Variants in MDGA2 observed in about 807,000 individuals in gnomAD.
MDGA2 encodes MAM domain containing glycosylphosphatidylinositol anchor 2, also known as MAM domain-containing glycosylphosphatidylinositol anchor protein 2.
A neutral mutation model predicts 117.8 loss-of-function variants in MDGA2; 40 were observed. That is an observed-to-expected ratio of 0.34 (90% CI 0.26 to 0.44). The LOEUF is 0.44. Among genes scored for constraint, MDGA2 ranks in the 20% least tolerant of loss-of-function variants. The pLI, the probability that MDGA2 is intolerant of heterozygous loss-of-function variation, is 1.00. For synonymous variants in MDGA2, 452 were observed against 439.0 expected (o/e 1.03, Z -0.37); for missense variants, 1,123 against 1,250.6 (o/e 0.90, Z 1.54).
At chr14:46,879,835 T>G (rs1391027504) in intron 11 of MDGA2, among the ~76,000 whole-genome samples, 1 of 152,178 alleles carries the variant, frequency 6.6e-6, no homozygotes, top group East Asian at 1.9e-4. Flanking sequence ...ACATCTTATT[T>G]ATTTGGTAAA....
intron 3 of MDGA2, among the ~76,000 whole-genome samples, chr14:47,144,545 TGA>T (rs1259376085): frequency 6.6e-6 from 1 of 152,116 alleles, no homozygotes; most frequent in African/African-American, 2.4e-5. Flanking sequence ...CAGAGTTCCA[TGA>T]GAGAGATAAA....
intron 3 of MDGA2, among the ~76,000 whole-genome samples, chr14:47,213,506 TA>T (rs572057168): frequency 6.6e-5 from 10 of 151,854 alleles, no homozygotes; most frequent in Admixed American, 2.0e-4. Flanking sequence ...ATTCTTAATT[TA>T]AAAAAAACGT....
At chr14:46,896,111 G>A (rs996837622) in intron 10 of MDGA2, among the ~76,000 whole-genome samples, 2 of 151,984 alleles carry the variant, frequency 1.3e-5, no homozygotes, top group Non-Finnish European at 2.9e-5. Context: ...GTTTTGTTAG[G>A]CTATTTTAGC....
chr14:47,310,007 T>A (rs1481602283), intron 1 of MDGA2, among the ~76,000 whole-genome samples: 1 of 152,154 alleles, frequency 6.6e-6, no homozygotes, highest in Admixed American at 6.6e-5. Flanking sequence ...TATAAAAAAT[T>A]GAATACAAAA....
At chr14:47,421,561 A>T (rs1212409112) in intron 1 of MDGA2, among the ~76,000 whole-genome samples, 3 of 152,180 alleles carry the variant, frequency 2.0e-5, no homozygotes, top group Non-Finnish European at 4.4e-5. Context: ...AGGACAAAAA[A>T]GTACAACCAT....
rs192260118 is a variant in MDGA2, at chr14:46,879,257, A to G, written c.2417-1748T>C. On this transcript the variant is annotated intron_variant, in intron 11 of 16. Coordinates refer to ENST00000399232, the MANE Select transcript of MDGA2 (RefSeq NM_001113498.3). ...AAGAAGACATGGTGAAAAAGTGACCATCTATAAATTAGGAAGAGAGCTCTC... is the reference window on the plus strand; with the variant it reads ...AAGAAGACATGGTGAAAAAGTGACCGTCTATAAATTAGGAAGAGAGCTCTC... Among the ~76,000 whole-genome samples the G allele has an allele frequency of 8.0e-3, 1,211 of 152,114 alleles. 10 individuals are homozygous for G. Among genetic ancestry groups the G allele is most frequent in the South Asian group, 0.036 (176 of 4,822 alleles).
At chr14:47,214,566 T>TGTGG (rs1359610067) in intron 3 of MDGA2, among the ~76,000 whole-genome samples, 1 of 152,104 alleles carries the variant, frequency 6.6e-6, no homozygotes, top group Non-Finnish European at 1.5e-5. Context: ...TAGAAAATTA[T>TGTGG]GTGGGAAAAA....
At chr14:46,955,137 T>A (rs1885513451) in intron 9 of MDGA2, among the ~76,000 whole-genome samples, 1 of 152,064 alleles carries the variant, frequency 6.6e-6, no homozygotes, top group Non-Finnish European at 1.5e-5. Flanking sequence ...AAATGCATGC[T>A]CCAGTTAAAT....
intron 10 of MDGA2, among the ~76,000 whole-genome samples, chr14:46,918,524 C>T (rs1399369529): frequency 1.3e-5 from 2 of 152,032 alleles, no homozygotes; most frequent in South Asian, 2.1e-4. Context: ...ATGGGTAGAA[C>T]GATGTTAATA....
At chr14:47,602,652 AC>A (rs1896669346) in intron 1 of MDGA2, among the ~76,000 whole-genome samples, 1 of 152,172 alleles carries the variant, frequency 6.6e-6, no homozygotes, top group South Asian at 2.1e-4. Context: ...AAAGTGACAG[AC>A]AGAAAATTGT....
chr14:47,619,286 A>G (rs1449087695), intron 1 of MDGA2, among the ~76,000 whole-genome samples: 2 of 152,196 alleles, frequency 1.3e-5, no homozygotes, highest in African/African-American at 4.8e-5. Context: ...AATATTCCAA[A>G]TATAAACCAC....
intron 6 of MDGA2, among the ~76,000 whole-genome samples, chr14:47,069,947 T>C (rs561744428): frequency 2.5e-3 from 388 of 152,336 alleles, no homozygotes; most frequent in Middle Eastern, 6.8e-3. Context: ...TGAATACTAT[T>C]GACCTGGCGC....
chr14:47,141,145 C>T (rs888854299), intron 4 of MDGA2, among the ~76,000 whole-genome samples: 3 of 152,014 alleles, frequency 2.0e-5, no homozygotes, highest in Non-Finnish European at 4.4e-5. Context: ...CAAAAAATAA[C>T]AAATTCTGGT....
intron 1 of MDGA2, among the ~76,000 whole-genome samples, chr14:47,364,091 T>C (rs544539976): frequency 6.6e-6 from 1 of 152,292 alleles, no homozygotes; most frequent in South Asian, 2.1e-4. Flanking sequence ...AGATAGAATC[T>C]GGACAGTCTC....
intron 1 of MDGA2, among the ~76,000 whole-genome samples, chr14:47,605,213 C>T (rs1896720997): frequency 6.6e-6 from 1 of 152,054 alleles, no homozygotes; most frequent in Non-Finnish European, 1.5e-5. Flanking sequence ...AGTAACACAG[C>T]ACTTGACCAG....
At chr14:47,219,894 TA>T (rs1886237827) in intron 2 of MDGA2, among the ~76,000 whole-genome samples, 1 of 152,138 alleles carries the variant, frequency 6.6e-6, no homozygotes, top group Non-Finnish European at 1.5e-5. Flanking sequence ...CAAAACTCTG[TA>T]AATGGGACTG....
Position 46,964,130 on chromosome 14 carries a change from C to G in MDGA2, c.1820-6487G>C, listed in dbSNP as rs543855982. Among the ~76,000 whole-genome samples the G allele has an allele frequency of 5.3e-5, 8 of 152,208 alleles. No homozygotes were observed. The East Asian group carries it at 1.6e-3, about 30-fold the overall frequency. On this transcript the variant is annotated intron_variant, in intron 8 of 16. Transcript: ENST00000399232. ...GCTGAACCCCATGTAAAACTTCAAC[C>G]TCTCCTCTGCAAAAACCATGTGAAG...
At chr14:46,949,556 T>A (rs1354093854) in intron 9 of MDGA2, among the ~76,000 whole-genome samples, 2 of 152,022 alleles carry the variant, frequency 1.3e-5, no homozygotes, top group Admixed American at 1.3e-4. Flanking sequence ...TCCATCTTTA[T>A]GTCCATGTGT....
chr14:47,359,030 C>T (rs534219885), intron 1 of MDGA2, among the ~76,000 whole-genome samples: 1 of 152,206 alleles, frequency 6.6e-6, no homozygotes, highest in African/African-American at 2.4e-5. Context: ...TAAAGAAAAA[C>T]AAAGTTGAAG....
Sources: allele counts gnomAD v4.1 joint callset (sites outside exome capture counted in the v4.1 genomes callset), GRCh38; gene constraint gnomAD v4.1.1; transcripts MANE v1.5; gene names NCBI Gene and HGNC (gene_info 2026-07-23, HGNC 2026-07-21).